The following PPIG variants were observed in gnomAD, a reference collection of about 807,000 sequenced individuals.
The protein encoded by PPIG is peptidylprolyl isomerase G.
Under a neutral mutation model 87.9 loss-of-function variants are expected in PPIG, and 26 were observed. The observed-to-expected ratio is 0.30, with a 90% CI of 0.22 to 0.41. The LOEUF (loss-of-function observed/expected upper bound fraction) is 0.41, where lower values mean the gene tolerates loss of function less well. PPIG is among the 10% of genes least tolerant of loss of function. The probability of loss-of-function intolerance (pLI) is 1.00; values close to 1 mark genes in which losing one functional copy is unlikely to be tolerated. For missense variants in PPIG, 722 were observed against 879.4 expected, an observed-to-expected ratio of 0.82 and a Z score of 2.26; for synonymous variants, 308 against 276.5, an observed-to-expected ratio of 1.11 and a Z score of -1.13.
rs114420548 is a variant in PPIG at position 169,637,057 on chromosome 2, G to C, written c.1799G>C (p.Arg600Thr). 174 of 1,613,712 alleles carry C rather than the reference G, an allele frequency of 1.1e-4. 1 individual carries two copies. The highest frequency in any genetic ancestry group is 9.1e-4 in the East Asian group (41 of 44,856). Residue 600 changes from arginine to threonine, a missense_variant, in exon 14 of 14, where the codon AGA becomes ACA. Physicochemically the swap from Arg to Thr is moderately conservative, Grantham distance 71 (BLOSUM62 -1). Coordinates refer to ENST00000260970, the MANE Select transcript of PPIG (RefSeq NM_004792.3). ...YHRYREQEYR[R>T]RGRSRSRERR... ...AGATACAGAGAACAGGAATACAGGA[G>C]AAGAGGACGGTCACGAAGCCGAGAG...
At chr2:169,610,905 T>C (rs1685469296) in intron 7 of PPIG, among the ~76,000 whole-genome samples, 1 of 152,174 alleles carries the variant, frequency 6.6e-6, no homozygotes, top group South Asian at 2.1e-4. Flanking sequence ...TGATTTTCTT[T>C]TTAAACAAAA....
chr2:169,636,546 A>G lies in PPIG; in HGVS notation c.1288A>G (p.Lys430Glu), dbSNP rs1268081568. ...NEKEKKVKDH[K>E]SNSKERDIRR... ...AAAGGAGAAGAAAGTTAAAGACCAT[A>G]AATCTAACAGCAAAGAGAGAGACAT... The change falls in exon 14 of 14, where the codon AAA becomes GAA. Residue 430 changes from lysine (K) to glutamate (E), a missense_variant. By Grantham distance (56) the Lys-to-Glu change is moderately conservative. Transcript: ENST00000260970. The G allele has an allele frequency of 3.9e-5, 62 of 1,609,758 alleles. No individual in the cohort carries two copies. Among genetic ancestry groups the G allele is most frequent in the Non-Finnish European group, 4.9e-5 (58 of 1,178,916 alleles).
In PPIG at chr2:169,637,192, G is replaced by A. The variant is rs749626396; in HGVS notation, c.1934G>A (p.Arg645Lys). Residue 645 changes from arginine to lysine, a missense_variant, in exon 14 of 14, where the codon AGA becomes AAA. Coordinates refer to ENST00000260970, the MANE Select transcript of PPIG (RefSeq NM_004792.3). ...CAAAGCAGAAACAAAGACAAATACA[G>A]AAACCAAGAGAGTAAGAGCTCACAC... ...ESQSRNKDKY[R>K]NQESKSSHRK... The A allele has an allele frequency of 6.2e-7, 1 of 1,613,282 alleles. No individual in the cohort carries two copies. The highest frequency in any genetic ancestry group is 1.1e-5 in the South Asian group (1 of 91,006).
In PPIG at chr2:169,639,647, C is replaced by G. The variant is rs966214368; in HGVS notation, c.*2124C>G. The G allele has an allele frequency of 3.9e-5, 6 of 152,082 alleles. No homozygotes were observed. The highest frequency in any genetic ancestry group is 1.4e-4 in the African/African-American group (6 of 41,436). 9.4% of individuals were successfully genotyped at this position (152,082 alleles called of 1,614,324 possible). A position where few individuals can be genotyped will look rare whatever the true frequency, so the allele number is the denominator to read the frequency against. On this transcript the variant is annotated 3_prime_UTR_variant, in exon 14 of 14. Transcript: ENST00000260970. The stretch of plus-strand genomic sequence containing the variant: ...CTTATTTTAAAGTTTTATTAGCTCT[C>G]TTTACAGAACAGATGTGAAGGAGTT...
At chr2:169,630,680 A>C in intron 9 of PPIG, 94 bp from the exon 10 acceptor site, 1 of 1,059,280 alleles carries the variant, frequency 9.4e-7, no homozygotes, top group Non-Finnish European at 1.4e-6. Flanking sequence ...AGTGCTAAAT[A>C]CTGAACTTAG....
chr2:169,587,833 A>C (rs577114615), intron 1 of PPIG, among the ~76,000 whole-genome samples: 159 of 152,238 alleles, frequency 1.0e-3, no homozygotes, highest in Non-Finnish European at 1.9e-3. Context: ...ATAAACACCA[A>C]TCTTTTATAT....
At chr2:169,593,443 G>A (rs975152995) in intron 1 of PPIG, among the ~76,000 whole-genome samples, 1 of 151,894 alleles carries the variant, frequency 6.6e-6, no homozygotes, top group South Asian at 2.1e-4. Context: ...TGATCTACCC[G>A]CCTTGGCCTC....
chr2:169,597,705 G>T (rs1685058248), intron 1 of PPIG, among the ~76,000 whole-genome samples: 1 of 151,856 alleles, frequency 6.6e-6, no homozygotes, highest in Non-Finnish European at 1.5e-5. Flanking sequence ...CGCCATGTTG[G>T]CCAGGCTGCT....
At chr2:169,602,154 A>G (rs1685200239) in intron 1 of PPIG, among the ~76,000 whole-genome samples, 1 of 152,214 alleles carries the variant, frequency 6.6e-6, no homozygotes, top group Non-Finnish European at 1.5e-5. Flanking sequence ...TTTGAAATAT[A>G]AATGAATTTT....
chr2:169,632,880 C>T (rs1686094394), intron 11 of PPIG, among the ~76,000 whole-genome samples: 1 of 151,640 alleles, frequency 6.6e-6, no homozygotes, highest in African/African-American at 2.4e-5. Context: ...TGGCTCACAC[C>T]TATAATCCCA....
At chr2:169,605,141 C>T (rs1219803492) in intron 4 of PPIG, among the ~76,000 whole-genome samples, 2 of 152,128 alleles carry the variant, frequency 1.3e-5, no homozygotes, top group Non-Finnish European at 2.9e-5. Flanking sequence ...TGAGACCAGC[C>T]TGGCAAACAT....
At chr2:169,588,712 G>A (rs1333920555) in intron 1 of PPIG, among the ~76,000 whole-genome samples, 6 of 151,786 alleles carry the variant, frequency 4.0e-5, no homozygotes, top group Non-Finnish European at 5.9e-5. Context: ...CTGTAATCCC[G>A]ACACTTTGGG....
At chr2:169,614,406 GCTAA>G in intron 7 of PPIG, 54 bp from the exon 8 acceptor site, 1 of 1,418,114 alleles carries the variant, frequency 7.1e-7, no homozygotes, top group Non-Finnish European at 9.7e-7. Flanking sequence ...TTTTAGAGAT[GCTAA>G]CTTTGTTTTT....
intron 1 of PPIG, among the ~76,000 whole-genome samples, chr2:169,602,155 A>G (rs1685200284): frequency 6.6e-6 from 1 of 152,196 alleles, no homozygotes; most frequent in African/African-American, 2.4e-5. Flanking sequence ...TTGAAATATA[A>G]ATGAATTTTG....
At chr2:169,628,757 T>C (rs1039130731) in intron 9 of PPIG, among the ~76,000 whole-genome samples, 4 of 151,722 alleles carry the variant, frequency 2.6e-5, no homozygotes, top group Non-Finnish European at 5.9e-5. Flanking sequence ...CTAGGCAACA[T>C]GGGGAGAACT....
intron 1 of PPIG, among the ~76,000 whole-genome samples, chr2:169,601,288 A>G (rs1158510575): frequency 2.0e-5 from 3 of 152,222 alleles, no homozygotes; most frequent in South Asian, 2.1e-4. Context: ...CTATCCTCTC[A>G]CATTTATTCA....
At chr2:169,631,069 T>C in intron 10 of PPIG, 82 bp downstream of exon 10, 1 of 1,241,596 alleles carries the variant, frequency 8.1e-7, no homozygotes, top group Non-Finnish European at 1.1e-6. Flanking sequence ...GTCAATTATA[T>C]GAAACTGTTA....
At chr2:169,619,294 GT>G (rs1685682604) in intron 9 of PPIG, among the ~76,000 whole-genome samples, 1 of 152,098 alleles carries the variant, frequency 6.6e-6, no homozygotes, top group East Asian at 1.9e-4. Context: ...TTCCAATTAT[GT>G]GGTCAATTTT....
chr2:169,635,540 G>C (rs1332578164), intron 12 of PPIG, among the ~76,000 whole-genome samples: 2 of 152,030 alleles, frequency 1.3e-5, no homozygotes, highest in Non-Finnish European at 2.9e-5. Context: ...TGAGTTCCAG[G>C]AAAGCACACT....
Sources: gnomAD v4.1 joint callset for allele counts (sites outside exome capture counted in the v4.1 genomes callset) on GRCh38, gnomAD v4.1.1 for gene constraint, MANE v1.5 for transcripts, NCBI Gene and HGNC (gene_info 2026-07-23, HGNC 2026-07-21) for gene names.